The following CCDC7 variants were observed in gnomAD, a reference collection of about 807,000 sequenced individuals.
CCDC7 encodes the protein coiled-coil domain containing 7.
A neutral mutation model predicts 196.9 loss-of-function variants in CCDC7; 183 were observed. The ratio of observed to expected loss-of-function variants is 0.93; its 90% CI spans 0.82 to 1.05. CCDC7 has a LOEUF of 1.05. Among genes scored for constraint, CCDC7 ranks in the 50% least tolerant of loss-of-function variants. The pLI, the probability that CCDC7 is intolerant of heterozygous loss-of-function variation, is 0.00. For missense variants in CCDC7, 1,540 were observed against 1,482.2 expected (o/e 1.04, Z -0.64); for synonymous variants, 525 against 484.6 (o/e 1.08, Z -1.10).
At chr10:32,864,668 A>C (rs988907679) in intron 41 of CCDC7, among the ~76,000 whole-genome samples, 15 of 151,808 alleles carry the variant, frequency 9.9e-5, no homozygotes, top group Admixed American at 3.3e-4. Context: ...TGGATTAAAG[A>C]GTTAAGGCCA....
At chr10:32,799,825 G>C (rs1230196141) in intron 29 of CCDC7, among the ~76,000 whole-genome samples, 1 of 152,198 alleles carries the variant, frequency 6.6e-6, no homozygotes, top group Non-Finnish European at 1.5e-5. Flanking sequence ...GTGATATCTT[G>C]TGGAAGGGAA....
chr10:32,569,078 T>C (rs2137002785), intron 15 of CCDC7, among the ~76,000 whole-genome samples: 2 of 152,354 alleles, frequency 1.3e-5, no homozygotes, highest in Middle Eastern at 6.8e-3. Flanking sequence ...CACATTGCTT[T>C]CACATAAGTG....
At chr10:32,778,109 G>T (rs545734552) in intron 28 of CCDC7, among the ~76,000 whole-genome samples, 104 of 152,194 alleles carry the variant, frequency 6.8e-4, no homozygotes, top group African/African-American at 2.2e-3. Flanking sequence ...ATAGTTCATG[G>T]ATATTTTTCT....
intron 28 of CCDC7, among the ~76,000 whole-genome samples, chr10:32,732,193 A>G (rs1449615062): frequency 6.6e-6 from 1 of 152,208 alleles, no homozygotes; most frequent in Non-Finnish European, 1.5e-5. Flanking sequence ...TGGATGAAAT[A>G]GCAGATGAAA....
At chr10:32,548,647 G>A (rs1377353436) in intron 13 of CCDC7, among the ~76,000 whole-genome samples, 1 of 152,194 alleles carries the variant, frequency 6.6e-6, no homozygotes, top group Non-Finnish European at 1.5e-5. Context: ...ATATCCTACA[G>A]TGAGAACATC....
At chr10:32,798,135 A>G (rs905362352) in intron 29 of CCDC7, among the ~76,000 whole-genome samples, 1 of 152,218 alleles carries the variant, frequency 6.6e-6, no homozygotes, top group Non-Finnish European at 1.5e-5. Context: ...AGGCAAACGC[A>G]TAACTGGAGT....
chr10:32,620,142 C>T (rs757355821), intron 18 of CCDC7, among the ~76,000 whole-genome samples: 6 of 152,038 alleles, frequency 3.9e-5, no homozygotes, highest in Admixed American at 2.0e-4. Context: ...AGGCTGGTCT[C>T]GATCTCCTGG....
At chr10:32,824,536 A>C in exon 32 of CCDC7, 1 of 1,609,520 alleles carries the variant, frequency 6.2e-7, no homozygotes, top group South Asian at 1.1e-5. Flanking sequence ...GAACGATTGC[A>C]TAGTACAACT....
chr10:32,586,595 C>A (rs964845297), intron 18 of CCDC7, among the ~76,000 whole-genome samples: 1 of 152,150 alleles, frequency 6.6e-6, no homozygotes, highest in Non-Finnish European at 1.5e-5. Context: ...CTGCATATGG[C>A]TAGCCACTTT....
At position 32,634,809 on chromosome 10, in the gene CCDC7, T is replaced by C. The variant is rs17296191; in HGVS notation, c.1913-248T>C. ...TGACCTAAATGTGAATACTGCAAAA[T>C]AACTAGAGAACTAAAGTGAAAGCTT... is the stretch of plus-strand genomic sequence containing the variant. On this transcript the variant is annotated intron_variant, in intron 19 of 41. Coordinates refer to ENST00000639629, the Ensembl canonical transcript of CCDC7. 7.9e-3 allele frequency among the ~76,000 whole-genome samples: 1,203 copies of C among 152,314 alleles called. 7 individuals are homozygous for C. The highest frequency in any genetic ancestry group is 0.02 in the Middle Eastern group (6 of 294).
chr10:32,610,616 CG>C (rs1285390637), intron 18 of CCDC7, among the ~76,000 whole-genome samples: 3 of 152,070 alleles, frequency 2.0e-5, no homozygotes, highest in Non-Finnish European at 4.4e-5. Flanking sequence ...TGTTCCCCTC[CG>C]GGAGCCCATA....
intron 20 of CCDC7, among the ~76,000 whole-genome samples, chr10:32,649,058 A>G (rs2068264182): frequency 6.6e-6 from 1 of 152,198 alleles, no homozygotes; most frequent in Admixed American, 6.5e-5. Flanking sequence ...TAATGCAGGA[A>G]CAGAAAACTA....
At chr10:32,728,892 A>G (rs2083500154) in exon 27 of CCDC7, 2 of 1,581,852 alleles carry the variant, frequency 1.3e-6, no homozygotes, top group African/African-American at 2.7e-5. Context: ...TATAGCTCGT[A>G]TTGTAGTACC....
At chr10:32,864,831 A>G (rs144613807) in intron 41 of CCDC7, among the ~76,000 whole-genome samples, 83 of 152,052 alleles carry the variant, frequency 5.5e-4, no homozygotes, top group Non-Finnish European at 1.0e-3. Context: ...GAGGTAAAAA[A>G]TGATATCAAA....
chr10:32,462,911 A>C, intron 4 of CCDC7, 106 bp from the exon 6 acceptor site: 1 of 1,514,224 alleles, frequency 6.6e-7, no homozygotes, highest in Non-Finnish European at 9.0e-7. Flanking sequence ...TATTTGATGG[A>C]TGAAGATTCA....
At chr10:32,814,413 A>G in exon 31 of CCDC7, 1 of 1,612,500 alleles carries the variant, frequency 6.2e-7, no homozygotes, top group Non-Finnish European at 8.5e-7. Context: ...GAAGAGATAT[A>G]CTAAAGGATG....
At chr10:32,731,147 T>G (rs1262286155) in intron 28 of CCDC7, among the ~76,000 whole-genome samples, 1 of 152,126 alleles carries the variant, frequency 6.6e-6, no homozygotes, top group African/African-American at 2.4e-5. Context: ...AAAAGTTAGA[T>G]TTTCCTTTGA....
At chr10:32,738,904 C>T (rs1403064836) in intron 28 of CCDC7, among the ~76,000 whole-genome samples, 10 of 150,626 alleles carry the variant, frequency 6.6e-5, no homozygotes, top group African/African-American at 2.5e-4. Flanking sequence ...ATACTGGCAA[C>T]AAATTATGTC....
intron 18 of CCDC7, among the ~76,000 whole-genome samples, chr10:32,596,367 T>G (rs2060355387): frequency 6.6e-6 from 1 of 152,216 alleles, no homozygotes; most frequent in South Asian, 2.1e-4. Context: ...CCTTACCTTT[T>G]TTTGTTTTCC....
Sources: allele counts gnomAD v4.1 joint callset (sites outside exome capture counted in the v4.1 genomes callset), GRCh38; gene constraint gnomAD v4.1.1; transcripts MANE v1.5; gene names NCBI Gene and HGNC (gene_info 2026-07-23, HGNC 2026-07-21).